DCLK2: variants seen among roughly 807,000 people sequenced by gnomAD.
DCLK2 encodes serine/threonine-protein kinase DCLK2.
DCLK2 carries 31 observed loss-of-function variants against 78.4 expected under a neutral mutation model. The ratio of observed to expected loss-of-function variants is 0.40; its 90% CI spans 0.30 to 0.53. DCLK2 has a LOEUF of 0.53. Ranked by LOEUF, DCLK2 falls within the 20% of genes least tolerant of loss-of-function variation. DCLK2 has a pLI of 0.61. For missense variants in DCLK2, 872 were observed against 973.7 expected (o/e 0.90, Z 1.39); for synonymous variants, 407 against 374.9 (o/e 1.09, Z -0.99).
intron 1 of DCLK2, among the ~76,000 whole-genome samples, chr4:150,083,356 A>G (rs1560755692): frequency 6.6e-6 from 1 of 152,188 alleles, no homozygotes; most frequent in Non-Finnish European, 1.5e-5. Context: ...TTTTTGGCAT[A>G]TGAGAGAGTT....
At chr4:150,104,132 G>A (rs575116633) in intron 2 of DCLK2, among the ~76,000 whole-genome samples, 4 of 151,888 alleles carry the variant, frequency 2.6e-5, no homozygotes, top group Non-Finnish European at 5.9e-5. Context: ...AGGGGAAAAA[G>A]GCATATAAAC....
chr4:150,132,044 G>A (rs1681058964), intron 2 of DCLK2, among the ~76,000 whole-genome samples: 1 of 152,168 alleles, frequency 6.6e-6, no homozygotes, highest in Non-Finnish European at 1.5e-5. Flanking sequence ...GCAGCCCTGT[G>A]TGTGAGGATA....
rs572180818 is a variant in DCLK2, at chr4:150,176,005, A to T, written c.757-17133A>T. 7.2e-5 allele frequency among the ~76,000 whole-genome samples: 11 copies of T among 152,322 alleles called. No individual in the cohort carries two copies. The South Asian group carries it at 1.9e-3, about 26-fold the overall frequency. On this transcript the variant is annotated intron_variant, in intron 2 of 15. Coordinates refer to ENST00000296550, the MANE Select transcript of DCLK2 (RefSeq NM_001040260.4). ...TTAAATCGTGTAAGTTGCCCGAGGC[A>T]ACCAGCTATGGCAGAAGAAGATAGG...
intron 12 of DCLK2, among the ~76,000 whole-genome samples, chr4:150,245,448 C>T (rs1743233818): frequency 1.3e-5 from 2 of 152,088 alleles, no homozygotes; most frequent in Admixed American, 6.5e-5. Context: ...ATACATGCGT[C>T]ATGCTGGTGT....
intron 2 of DCLK2, among the ~76,000 whole-genome samples, chr4:150,121,225 G>GAAGTTTACCTCTACCT (rs1732517688): frequency 6.6e-6 from 1 of 152,202 alleles, no homozygotes. Flanking sequence ...ACACAAGAAT[G>GAAGTTTACCTCTACCT]TGTGATATGC....
At position 150,221,690 on chromosome 4, in the gene DCLK2, CAG is replaced by C; in HGVS notation, c.1148_1149del (p.Arg383MetfsTer3). On this transcript the variant is annotated frameshift_variant, in exon 7 of 16. Transcript: ENST00000296550. LOFTEE classifies it high-confidence loss of function. ...TCCTTTTTGCAGGTGTGAATGGAAA[CAG>C]ATGCTCTGAATCATCAACTCTTCTT... Reference protein sequence around the residue: ...CISPEGVNGNRCSESSTLLEK... With the variant: ...CISPEGVNGNXCSESSTLLEK... The C allele has an allele frequency of 1.3e-6, 2 of 1,596,218 alleles. No individual in the cohort carries two copies. Among genetic ancestry groups the C allele is most frequent in the Non-Finnish European group, 1.7e-6 (2 of 1,173,618 alleles).
At position 150,250,796 on chromosome 4, in the gene DCLK2, A is replaced by G. The variant is rs531624799; in HGVS notation, c.2073+1112A>G. Among the ~76,000 whole-genome samples the G allele has an allele frequency of 1.5e-3, 227 of 150,918 alleles. 2 individuals are homozygous for G. The highest frequency in any genetic ancestry group is 5.2e-3 in the African/African-American group (215 of 40,966). ...TGGTACATGGTTGTCTGAGAGCCTT[A>G]CCTAGGAAGACGCAGGGTCTAGATA... On this transcript the variant is annotated intron_variant, in intron 15 of 15. Coordinates refer to ENST00000296550, the MANE Select transcript of DCLK2 (RefSeq NM_001040260.4).
chr4:150,133,730 CTAA>C lies in DCLK2; in HGVS notation c.756+30923_756+30925del, dbSNP rs145055500. ...GTTGTGGGTTTGATAACTGATTGTG[CTAA>C]TAATCATTCAGTGTCAGCTAATTAC... is the stretch of plus-strand genomic sequence containing the variant. On this transcript the variant is annotated intron_variant, in intron 2 of 15. Transcript: ENST00000296550. 6.7e-3 allele frequency among the ~76,000 whole-genome samples: 1,023 copies of C among 152,244 alleles called. 7 individuals carry two copies. The highest frequency in any genetic ancestry group is 0.023 in the African/African-American group (969 of 41,544).
intron 2 of DCLK2, among the ~76,000 whole-genome samples, chr4:150,147,006 A>G (rs1734521290): frequency 6.6e-6 from 1 of 152,126 alleles, no homozygotes; most frequent in Non-Finnish European, 1.5e-5. Context: ...GTATGTGGCC[A>G]AGTGTGGTGG....
In DCLK2 at chr4:150,230,493, A is replaced by G. The variant is rs566609660; in HGVS notation, c.1300-1844A>G. 3.3e-5 allele frequency among the ~76,000 whole-genome samples: 5 copies of G among 152,330 alleles called. No individual in the cohort carries two copies. In the South Asian group the frequency reaches 1.0e-3, roughly 32 times the overall value. On this transcript the variant is annotated intron_variant, in intron 8 of 15. Transcript: ENST00000296550. ...GCAGGAAGGAGAATTGAAGTGATAG[A>G]TTCATTTAGCTTTAAAATAAAAAAC...
Position 150,079,416 on chromosome 4 carries a change from G to A in DCLK2, c.389G>A (p.Arg130Gln), listed in dbSNP as rs746676479. The A allele has an allele frequency of 5.8e-6, 9 of 1,554,996 alleles. No individual in the cohort carries two copies. The African/African-American group carries it at 6.8e-5, about 12-fold the overall frequency. The change falls in exon 1 of 16, where the codon CGG becomes CAG. Residue 130 changes from arginine to glutamine, a missense_variant. By Grantham distance (43) the Arg-to-Gln change is conservative (BLOSUM62 1). This residue lies in a region of DCLK2 where 567 missense variants were observed against 593.4 expected (regional missense o/e 0.96). Coordinates refer to ENST00000296550, the MANE Select transcript of DCLK2 (RefSeq NM_001040260.4). Reference protein sequence around the residue: ...VRTIYTIDGSRKVTSLDELLE... With the variant: ...VRTIYTIDGSQKVTSLDELLE... The stretch of plus-strand genomic sequence containing the variant: ...ACTATCTACACCATCGACGGCAGCC[G>A]GAAGGTCACCAGCCTGGACGAGCTG...
chr4:150,201,806 AAAAAAAAAGG>A (rs1438705460), intron 4 of DCLK2, among the ~76,000 whole-genome samples: 1 of 3,184 alleles, frequency 3.1e-4, no homozygotes. Flanking sequence ...GAAAATACCA[AAAAAAAAAGG>A]AAAAAAAGGA....
Position 150,168,346 on chromosome 4 carries a change from CA to C in DCLK2, c.757-24777del, listed in dbSNP as rs1285332689. Among the ~76,000 whole-genome samples the C allele has an allele frequency of 9.7e-3, 1,106 of 113,738 alleles. 36 individuals are homozygous for C. The highest frequency in any genetic ancestry group is 0.078 in the Admixed American group (861 of 11,094). The allele number at this position is 113,738 out of a possible 152,430, so 74.6% of individuals were successfully genotyped here. ...TGGGTGACAGAGCGAGACTCCATCT[CA>C]AAAAAAAAAAAAAACCCAAGTCAGA... On this transcript the variant is annotated intron_variant, in intron 2 of 15. Transcript: ENST00000296550.
At chr4:150,209,508 C>T (rs188230012) in intron 5 of DCLK2, among the ~76,000 whole-genome samples, 345 of 152,228 alleles carry the variant, frequency 2.3e-3, no homozygotes, top group African/African-American at 7.9e-3. Flanking sequence ...GTGATTATTC[C>T]GAGCTATTCT....
In DCLK2 at chr4:150,086,506, ATTT is replaced by A. The variant is rs10539678; in HGVS notation, c.421+7074_421+7076del. Among the ~76,000 whole-genome samples the A allele has an allele frequency of 3.8e-3, 565 of 147,492 alleles. 6 individuals carry two copies. The highest frequency in any genetic ancestry group is 0.01 in the Middle Eastern group (3 of 286). On this transcript the variant is annotated intron_variant, in intron 1 of 15. Transcript: ENST00000296550. ...CAGCTATCACAACCAGATTCTTTTT[ATTT>A]TTTTTTTTTTTTTTTGAGACTGAGT... is the stretch of plus-strand genomic sequence containing the variant.
Position 150,223,350 on chromosome 4 carries a change from G to A in DCLK2, c.1242-1151G>A, listed in dbSNP as rs144508074. ...AATCCAGCTGCACTTGAGATAACAA[G>A]TGTATTCTATGAGTACTGTGGTGTT... On this transcript the variant is annotated intron_variant, in intron 7 of 15. Transcript: ENST00000296550. 1.5e-3 allele frequency among the ~76,000 whole-genome samples: 221 copies of A among 152,348 alleles called. 1 individual carries two copies. The highest frequency in any genetic ancestry group is 5.0e-3 in the African/African-American group (207 of 41,576).
At chr4:150,124,958 A>C (rs185724542) in intron 2 of DCLK2, among the ~76,000 whole-genome samples, 1 of 152,336 alleles carries the variant, frequency 6.6e-6, no homozygotes, top group Admixed American at 6.5e-5. Context: ...ACAAATTAAA[A>C]TTTGATTTAA....
At chr4:150,227,903 A>C (rs1446594515) in intron 8 of DCLK2, among the ~76,000 whole-genome samples, 1 of 152,196 alleles carries the variant, frequency 6.6e-6, no homozygotes, top group African/African-American at 2.4e-5. Context: ...AATTACCACA[A>C]ACTTGGTGGC....
At chr4:150,119,955 A>G (rs1688117687) in intron 2 of DCLK2, among the ~76,000 whole-genome samples, 1 of 152,234 alleles carries the variant, frequency 6.6e-6, no homozygotes, top group Non-Finnish European at 1.5e-5. Context: ...AGATGCTTTG[A>G]AAAGTTAATT....
Sources: gnomAD v4.1 joint callset for allele counts (sites outside exome capture counted in the v4.1 genomes callset) on GRCh38, gnomAD v4.1.1 for gene constraint, gnomAD v4.1.1 regional missense constraint, MANE v1.5 for transcripts, NCBI Gene and HGNC (gene_info 2026-07-23, HGNC 2026-07-21) for gene names.